Variants in PPP2R2A observed in about 807,000 individuals in gnomAD.
PPP2R2A encodes the protein serine/threonine-protein phosphatase 2A 55 kDa regulatory subunit B alpha isoform.
A neutral mutation model predicts 53.2 loss-of-function variants in PPP2R2A; 9 were observed. The observed-to-expected ratio is 0.17, with a 90% CI of 0.10 to 0.30. PPP2R2A has a LOEUF of 0.30. PPP2R2A is among the 10% of genes least tolerant of loss of function. The pLI is 1.00. For synonymous variants in PPP2R2A, 169 were observed against 174.2 expected, an observed-to-expected ratio of 0.97 and a Z score of 0.23; for missense variants, 235 against 534.6, an observed-to-expected ratio of 0.44 and a Z score of 5.53.
At position 26,329,837 on chromosome 8, in the gene PPP2R2A, T is replaced by A. The variant is rs550130702; in HGVS notation, c.83-9053T>A. ...TATACTTTGAAATGTTGGGATTTTTTTTACAAAGAATTCTTCACAGTTTTG... is the reference window on the plus strand; with the variant it reads ...TATACTTTGAAATGTTGGGATTTTTATTACAAAGAATTCTTCACAGTTTTG... On this transcript the variant is annotated intron_variant, in intron 2 of 9. Transcript: ENST00000380737. Among the ~76,000 whole-genome samples the A allele has an allele frequency of 4.6e-5, 7 of 152,312 alleles. No individual in the cohort carries two copies. The East Asian group carries it at 1.3e-3, about 29-fold the overall frequency.
intron 2 of PPP2R2A, among the ~76,000 whole-genome samples, chr8:26,311,999 G>A (rs935097581): frequency 6.6e-6 from 1 of 151,662 alleles, no homozygotes; most frequent in African/African-American, 2.4e-5. Flanking sequence ...GCTACCTAGG[G>A]CAACGTTGTA....
chr8:26,291,692 T>TC lies in PPP2R2A; in HGVS notation c.-124dup. The TC allele has an allele frequency of 5.2e-6, 1 of 193,796 alleles. No individual in the cohort carries two copies. Among genetic ancestry groups the TC allele is most frequent in the Non-Finnish European group, 1.1e-5 (1 of 94,306 alleles). 12.0% of individuals were successfully genotyped at this position (193,796 alleles called of 1,614,324 possible). A position where few individuals can be genotyped will look rare whatever the true frequency, so the allele number is the denominator to read the frequency against. The stretch of plus-strand genomic sequence containing the variant: ...TCCTTCCTTTTCCCCCCGGCCCCCG[T>TC]CCCCTCCCCCCGCAGGTGCCATCCG... On this transcript the variant is annotated 5_prime_UTR_variant, in exon 1 of 10. Transcript: ENST00000380737.
chr8:26,323,194 A>T (rs972023597), intron 2 of PPP2R2A, among the ~76,000 whole-genome samples: 2 of 152,246 alleles, frequency 1.3e-5, no homozygotes, highest in African/African-American at 2.4e-5. Flanking sequence ...CTCTGAGCTG[A>T]TGATACCCTA....
Position 26,321,998 on chromosome 8 carries a change from C to T in PPP2R2A, c.83-16892C>T, listed in dbSNP as rs1315975263. Among the ~76,000 whole-genome samples the T allele has an allele frequency of 2.6e-5, 4 of 152,114 alleles. No homozygotes were observed. The highest frequency in any genetic ancestry group is 2.9e-5 in the Non-Finnish European group (2 of 68,012). ...ACACAGGCCCTTTTCTTTAAAGATA[C>T]ATACAGAGAATGATAGACACATCCA... On this transcript the variant is annotated intron_variant, in intron 2 of 9. Coordinates refer to ENST00000380737, the MANE Select transcript of PPP2R2A (RefSeq NM_002717.4). This position sits in a 1 kb window ranked among gnomAD's most constrained non-coding sequence, Gnocchi z 4.1.
At chr8:26,333,711 T>C (rs1332645642) in intron 2 of PPP2R2A, 1 of 270,322 alleles carries the variant, frequency 3.7e-6, no homozygotes, top group Non-Finnish European at 6.6e-6. Context: ...AACCTTTGGC[T>C]GTATGTGTTC....
At chr8:26,342,784 T>C (rs1328345281) in intron 3 of PPP2R2A, among the ~76,000 whole-genome samples, 3 of 152,220 alleles carry the variant, frequency 2.0e-5, no homozygotes, top group Admixed American at 1.3e-4. Context: ...CTTAACAGGA[T>C]ACAGAAGAAA....
intron 3 of PPP2R2A, among the ~76,000 whole-genome samples, chr8:26,343,285 CATTT>C (rs1377037976): frequency 6.6e-6 from 1 of 152,102 alleles, no homozygotes; most frequent in Admixed American, 6.6e-5. Context: ...TAAGAGCTAA[CATTT>C]ATAGGGCTTT....
intron 3 of PPP2R2A, chr8:26,350,595 G>A (rs1469124257): frequency 6.6e-6 from 1 of 151,538 alleles, no homozygotes; most frequent in Non-Finnish European, 1.5e-5. Context: ...TCTTTTTTTG[G>A]TAGGGATGGT....
Position 26,338,274 on chromosome 8 carries a change from A to C in PPP2R2A, c.83-616A>C, listed in dbSNP as rs1803769929. 6.6e-6 allele frequency among the ~76,000 whole-genome samples: 1 copy of C among 152,246 alleles called. No individual in the cohort carries two copies. The highest frequency in any genetic ancestry group is 1.5e-5 in the Non-Finnish European group (1 of 68,048). ...ACTGTGAAGTCAGCACTGAGCTGGT[A>C]GAATCCATGTGACGTGACTGATTCT... On this transcript the variant is annotated intron_variant, in intron 2 of 9. Coordinates refer to ENST00000380737, the MANE Select transcript of PPP2R2A (RefSeq NM_002717.4). The surrounding 1 kb of genome is among the most constrained non-coding windows in gnomAD (Gnocchi z 4.5).
chr8:26,293,041 C>G (rs1410732158), intron 1 of PPP2R2A: 1 of 442,026 alleles, frequency 2.3e-6, no homozygotes, highest in African/African-American at 2.0e-5. Context: ...TTGCCAGGTC[C>G]TTTGGAGTCA....
Position 26,366,309 on chromosome 8 carries a change from C to T in PPP2R2A, c.973-6C>T, listed in dbSNP as rs1423359823. ...TCAGTGCAGTATATTTGTATTTTTC[C>T]CCCAGGTGCATGAATACCTCAGAAG... On this transcript the variant is annotated splice_polypyrimidine_tract_variant and splice_region_variant and intron_variant, in intron 8 of 9. Coordinates refer to ENST00000380737, the MANE Select transcript of PPP2R2A (RefSeq NM_002717.4). The T allele has an allele frequency of 1.3e-6, 2 of 1,589,322 alleles. No homozygotes were observed. Among genetic ancestry groups the T allele is most frequent in the Non-Finnish European group, 1.7e-6 (2 of 1,170,076 alleles).
Position 26,303,184 on chromosome 8 carries a change from C to T in PPP2R2A, c.82+9444C>T, listed in dbSNP as rs140520669. Among the ~76,000 whole-genome samples the T allele has an allele frequency of 6.6e-4, 101 of 152,262 alleles. 2 individuals are homozygous for T. The highest frequency in any genetic ancestry group is 2.4e-3 in the African/African-American group (99 of 41,556). On this transcript the variant is annotated intron_variant, in intron 2 of 9. Coordinates refer to ENST00000380737, the MANE Select transcript of PPP2R2A (RefSeq NM_002717.4). ...TACCAAATTAGATCTGCCTTAAGCT[C>T]CTTCAGCTGGTGATCTTGGTGAAGG...
At chr8:26,343,641 C>G (rs1275695879) in intron 3 of PPP2R2A, among the ~76,000 whole-genome samples, 1 of 152,102 alleles carries the variant, frequency 6.6e-6, no homozygotes, top group South Asian at 2.1e-4. Flanking sequence ...CCACCTTGGC[C>G]TCCCAAAGTG....
At chr8:26,320,962 G>A (rs1802810537) in intron 2 of PPP2R2A, among the ~76,000 whole-genome samples, 1 of 152,178 alleles carries the variant, frequency 6.6e-6, no homozygotes, top group Non-Finnish European at 1.5e-5. Flanking sequence ...TTGACTTTGG[G>A]AGGAGGATGG....
At chr8:26,316,314 C>T (rs1354242144) in intron 2 of PPP2R2A, among the ~76,000 whole-genome samples, 2 of 152,120 alleles carry the variant, frequency 1.3e-5, no homozygotes, top group Non-Finnish European at 1.5e-5. Flanking sequence ...AGCTTGTGTA[C>T]TGTTTTTAAT....
rs1312633466 is a variant in PPP2R2A at position 26,321,888 on chromosome 8, A to T, written c.83-17002A>T. On this transcript the variant is annotated intron_variant, in intron 2 of 9. Coordinates refer to ENST00000380737, the MANE Select transcript of PPP2R2A (RefSeq NM_002717.4). The surrounding 1 kb of genome is among the most constrained non-coding windows in gnomAD (Gnocchi z 4.1). The stretch of plus-strand genomic sequence containing the variant: ...ACTTATATAGGAAGTAACAATGTCA[A>T]CATTTCCCCTCCTCGGTCTAAGATT... 1.3e-5 allele frequency among the ~76,000 whole-genome samples: 2 copies of T among 152,250 alleles called. No individual in the cohort carries two copies. The highest frequency in any genetic ancestry group is 2.9e-5 in the Non-Finnish European group (2 of 68,046).
intron 3 of PPP2R2A, among the ~76,000 whole-genome samples, chr8:26,348,747 T>C (rs1804348110): frequency 6.6e-6 from 1 of 152,228 alleles, no homozygotes; most frequent in African/African-American, 2.4e-5. Flanking sequence ...TCTTGACTAT[T>C]CTTAGTATGT....
intron 2 of PPP2R2A, among the ~76,000 whole-genome samples, chr8:26,332,386 A>T (rs946510747): frequency 6.6e-6 from 1 of 151,660 alleles, no homozygotes; most frequent in Non-Finnish European, 1.5e-5. Context: ...AAAAAGAAGA[A>T]GATACAAATT....
intron 2 of PPP2R2A, among the ~76,000 whole-genome samples, chr8:26,307,197 A>T (rs1383611298): frequency 6.6e-6 from 1 of 152,212 alleles, no homozygotes; most frequent in African/African-American, 2.4e-5. Context: ...TTTGGAATTT[A>T]CATCTAGATG....
Sources: gnomAD v4.1 joint callset for allele counts (sites outside exome capture counted in the v4.1 genomes callset) on GRCh38, gnomAD v4.1.1 for gene constraint, Gnocchi (gnomAD v3.1) non-coding constraint, MANE v1.5 for transcripts, NCBI Gene and HGNC (gene_info 2026-07-23, HGNC 2026-07-21) for gene names.